Variants in PTPRQ observed in about 807,000 individuals in gnomAD.
The protein encoded by PTPRQ is protein tyrosine phosphatase receptor type Q.
PTPRQ carries 199 observed loss-of-function variants against 246.0 expected under a neutral mutation model. The ratio of observed to expected loss-of-function variants is 0.81; its 90% CI spans 0.72 to 0.91. PTPRQ has a LOEUF of 0.91. Ranked by LOEUF, PTPRQ falls within the 40% of genes least tolerant of loss-of-function variation. The pLI is 0.00. For missense variants in PTPRQ, 2,624 were observed against 2,528.4 expected, an observed-to-expected ratio of 1.04 and a Z score of -0.81; for synonymous variants, 869 against 853.2, an observed-to-expected ratio of 1.02 and a Z score of -0.32.
At chr12:80,506,520 T>C (rs1333609701) in intron 15 of PTPRQ, 49 bp from the exon 16 acceptor site, 2 of 1,376,696 alleles carry the variant, frequency 1.5e-6, no homozygotes, top group Non-Finnish European at 2.0e-6. Flanking sequence ...TTGCATATTA[T>C]TAAATGATAT....
chr12:80,500,983 A>G (rs1894782072), intron 14 of PTPRQ, among the ~76,000 whole-genome samples: 1 of 151,996 alleles, frequency 6.6e-6, no homozygotes, highest in African/African-American at 2.4e-5. Flanking sequence ...CTGAGAGGTT[A>G]TATTTGCCCA....
At position 80,660,071 on chromosome 12, in the gene PTPRQ, G is replaced by A. The variant is rs557465288; in HGVS notation, c.6192+2010G>A. 9.2e-5 allele frequency among the ~76,000 whole-genome samples: 14 copies of A among 152,014 alleles called. No homozygotes were observed. The East Asian group carries it at 1.6e-3, about 17-fold the overall frequency. On this transcript the variant is annotated intron_variant, in intron 39 of 44. Coordinates refer to ENST00000644991, the MANE Select transcript of PTPRQ (RefSeq NM_001145026.2). ...TTCCCCCTACCCCCAAATTTTATTCGAAAGCACTTCCAATTGAAAGTTTAT... is the reference window on the plus strand; with the variant it reads ...TTCCCCCTACCCCCAAATTTTATTCAAAAGCACTTCCAATTGAAAGTTTAT...
intron 6 of PTPRQ, among the ~76,000 whole-genome samples, chr12:80,468,156 C>T (rs1388496500): frequency 6.6e-6 from 1 of 151,866 alleles, no homozygotes; most frequent in African/African-American, 2.4e-5. Flanking sequence ...TTTAAAATGT[C>T]ATTATTATTT....
intron 39 of PTPRQ, among the ~76,000 whole-genome samples, chr12:80,666,076 G>A (rs1012015519): frequency 1.3e-5 from 2 of 151,954 alleles, no homozygotes; most frequent in Non-Finnish European, 1.5e-5. Context: ...ATATCCAAAG[G>A]GAAGAAAATC....
chr12:80,575,428 A>G (rs1225830611), intron 25 of PTPRQ, among the ~76,000 whole-genome samples: 1 of 152,060 alleles, frequency 6.6e-6, no homozygotes, highest in African/African-American at 2.4e-5. Flanking sequence ...AGTACAAAAA[A>G]AAAAATTAGC....
At position 80,527,680 on chromosome 12, in the gene PTPRQ, T is replaced by A. The variant is rs141092835; in HGVS notation, c.2679-6335T>A. Among the ~76,000 whole-genome samples, 154 of 152,218 alleles carry A rather than the reference T, an allele frequency of 1.0e-3. 1 individual carries two copies. The highest frequency in any genetic ancestry group is 3.4e-3 in the Middle Eastern group (1 of 294). ...AGCACATTTAATTTAATGTTAGGAA[T>A]GAAAAAGGAGACATAACTACAGATA... On this transcript the variant is annotated intron_variant, in intron 17 of 44. Transcript: ENST00000644991.
intron 26 of PTPRQ, among the ~76,000 whole-genome samples, chr12:80,601,033 G>GTATT (rs1898125835): frequency 6.6e-6 from 1 of 151,618 alleles, no homozygotes; most frequent in Admixed American, 6.6e-5. Flanking sequence ...CAGCCAAACA[G>GTATT]TATTCCCTTA....
At chr12:80,537,313 A>G (rs1310262658) in intron 19 of PTPRQ, among the ~76,000 whole-genome samples, 1 of 152,202 alleles carries the variant, frequency 6.6e-6, no homozygotes, top group Admixed American at 6.5e-5. Context: ...GAATAAGTGT[A>G]TACCTTTTTA....
chr12:80,518,352 T>C (rs564283181), intron 17 of PTPRQ, among the ~76,000 whole-genome samples: 5 of 152,284 alleles, frequency 3.3e-5, no homozygotes, highest in African/African-American at 1.2e-4. Flanking sequence ...TCCTGTAGAG[T>C]TGTTTGAGCT....
At chr12:80,635,142 CT>C in intron 35 of PTPRQ, 69 bp downstream of exon 35, 2 of 1,502,434 alleles carry the variant, frequency 1.3e-6, no homozygotes, top group Non-Finnish European at 1.8e-6. Context: ...CTGACCTATG[CT>C]TGTTGGAAGT....
In PTPRQ at chr12:80,581,584, A is replaced by G. The variant is rs143306413; in HGVS notation, c.4286-6545A>G. Among the ~76,000 whole-genome samples the G allele has an allele frequency of 5.6e-4, 86 of 152,218 alleles. 3 individuals carry two copies. The highest frequency in any genetic ancestry group is 2.0e-3 in the African/African-American group (84 of 41,516). ...TGGGAGGTTGAGGCTGCAATGAGCC[A>G]TGATTGTGCCACTGCATTCCAGCCT... On this transcript the variant is annotated intron_variant, in intron 25 of 44. Transcript: ENST00000644991.
Position 80,444,269 on chromosome 12 carries a change from C to T in PTPRQ, c.-77C>T, listed in dbSNP as rs192863764. ...TTGTGTACTTGCCAGAAGGATCTGTCTTTAAATCATTAATGCAGGCAACAT... is the reference window on the plus strand; with the variant it reads ...TTGTGTACTTGCCAGAAGGATCTGTTTTTAAATCATTAATGCAGGCAACAT... On this transcript the variant is annotated 5_prime_UTR_variant, in exon 1 of 45. Transcript: ENST00000644991. The T allele has an allele frequency of 5.3e-6, 4 of 752,252 alleles. No homozygotes were observed. Among genetic ancestry groups the T allele is most frequent in the Admixed American group, 2.3e-5 (1 of 43,752 alleles). 46.6% of individuals were successfully genotyped at this position (752,252 alleles called of 1,614,324 possible).
chr12:80,550,537 A>G (rs1896443609), intron 25 of PTPRQ, among the ~76,000 whole-genome samples: 1 of 152,026 alleles, frequency 6.6e-6, no homozygotes, highest in Non-Finnish European at 1.5e-5. Context: ...TTTTCAGACT[A>G]CGGTGTTTCC....
At position 80,505,150 on chromosome 12, in the gene PTPRQ, A is replaced by G. The variant is rs373162323; in HGVS notation, c.2273-874A>G. On this transcript the variant is annotated intron_variant, in intron 14 of 44. Coordinates refer to ENST00000644991, the MANE Select transcript of PTPRQ (RefSeq NM_001145026.2). ...TTCTCTGACACACTACACATATGTTACTATACAAATGCAAAGGCACCAGGA... is the reference window on the plus strand; with the variant it reads ...TTCTCTGACACACTACACATATGTTGCTATACAAATGCAAAGGCACCAGGA... 4.6e-5 allele frequency among the ~76,000 whole-genome samples: 7 copies of G among 151,932 alleles called. No individual in the cohort carries two copies. In the East Asian group the frequency reaches 9.7e-4, roughly 21 times the overall value.
At chr12:80,557,135 C>T (rs1443470709) in intron 25 of PTPRQ, among the ~76,000 whole-genome samples, 1 of 152,058 alleles carries the variant, frequency 6.6e-6, no homozygotes, top group African/African-American at 2.4e-5. Context: ...ACTGAGCCTC[C>T]TAAGTAATAC....
intron 23 of PTPRQ, among the ~76,000 whole-genome samples, chr12:80,545,216 C>T (rs1011807704): frequency 2.0e-5 from 3 of 151,972 alleles, no homozygotes; most frequent in East Asian, 3.9e-4. Flanking sequence ...ATGGCAGGGA[C>T]CATGCCTTAC....
In PTPRQ at chr12:80,460,747, C is replaced by T. The variant is rs779710150; in HGVS notation, c.755C>T (p.Thr252Met). 2 of 400,300 alleles carry T rather than the reference C, an allele frequency of 5.0e-6. No individual in the cohort carries two copies. The highest frequency in any genetic ancestry group is 3.6e-5 in the East Asian group (1 of 28,070). 24.8% of individuals were successfully genotyped at this position (400,300 alleles called of 1,614,324 possible). A position where few individuals can be genotyped will look rare whatever the true frequency, so the allele number is the denominator to read the frequency against. ...PPSRTTHSSS[T>M]LTQNEISSVW... The stretch of plus-strand genomic sequence containing the variant: ...TCGCGTACCACACATTCATCAAGCA[C>T]GTTGACACAGAATGAGATCAGCTCT... The change falls in exon 6 of 45, where the codon ACG becomes ATG. Residue 252 changes from threonine (T) to methionine (M), a missense_variant. Physicochemically the swap from Thr to Met is moderately conservative, Grantham distance 81. Transcript: ENST00000644991.
rs1376104746 is a variant in PTPRQ at position 80,542,732 on chromosome 12, C to T, written c.3724C>T (p.Pro1242Ser). Residue 1242 changes from proline (P) to serine (S), a missense_variant and splice_region_variant, in exon 23 of 45, where the codon CCG becomes TCG. Coordinates refer to ENST00000644991, the MANE Select transcript of PTPRQ (RefSeq NM_001145026.2). ...ILFFYTDESV[P>S]LAPPQNLTLI... ...TTTCTTCATGTGTTTTCCTACAGTG[C>T]CGTTAGCACCTCCACAAAATTTGAC... 1.3e-6 allele frequency: 2 copies of T among 1,538,888 alleles called. No homozygotes were observed. Among genetic ancestry groups the T allele is most frequent in the Non-Finnish European group, 1.8e-6 (2 of 1,142,682 alleles).
intron 19 of PTPRQ, among the ~76,000 whole-genome samples, chr12:80,537,112 G>T (rs1352458572): frequency 6.6e-6 from 1 of 152,180 alleles, no homozygotes; most frequent in East Asian, 1.9e-4. Context: ...GCTTTTAAGT[G>T]TGACAGCTGC....
Sources: gnomAD v4.1 joint callset for allele counts (sites outside exome capture counted in the v4.1 genomes callset) on GRCh38, gnomAD v4.1.1 for gene constraint, MANE v1.5 for transcripts, NCBI Gene and HGNC (gene_info 2026-07-23, HGNC 2026-07-21) for gene names.